Variants in HECW2 observed in about 807,000 individuals in gnomAD.
HECW2 encodes the protein E3 ubiquitin-protein ligase HECW2.
HECW2 carries 61 observed loss-of-function variants against 175.2 expected under a neutral mutation model. The observed-to-expected ratio is 0.35, with a 90% CI of 0.28 to 0.43. The LOEUF is 0.43. Ranked by LOEUF, HECW2 falls within the 20% of genes least tolerant of loss-of-function variation. The pLI, the probability that HECW2 is intolerant of heterozygous loss-of-function variation, is 1.00. For missense variants in HECW2, 1,524 were observed against 2,000.5 expected (o/e 0.76, Z 4.54); for synonymous variants, 671 against 731.0 (o/e 0.92, Z 1.32).
chr2:196,308,837 C>T (rs1691370933), intron 10 of HECW2, among the ~76,000 whole-genome samples: 1 of 152,226 alleles, frequency 6.6e-6, no homozygotes, highest in African/African-American at 2.4e-5. Flanking sequence ...CATTCACCTA[C>T]TGAAATCCAC....
chr2:196,494,978 C>T (rs1687339340), intron 1 of HECW2, among the ~76,000 whole-genome samples: 1 of 152,184 alleles, frequency 6.6e-6, no homozygotes, highest in Non-Finnish European at 1.5e-5. Flanking sequence ...CTACCCAGCA[C>T]TGCTGAGAGT....
At chr2:196,311,275 T>C (rs1450978697) in intron 10 of HECW2, among the ~76,000 whole-genome samples, 1 of 152,222 alleles carries the variant, frequency 6.6e-6, no homozygotes, top group Non-Finnish European at 1.5e-5. Context: ...TCAATAAAAA[T>C]GCAGATTCCT....
At chr2:196,556,932 T>C (rs1249265890) in intron 1 of HECW2, among the ~76,000 whole-genome samples, 6 of 152,112 alleles carry the variant, frequency 3.9e-5, no homozygotes, top group Non-Finnish European at 4.4e-5. Context: ...GCCTTAAAAA[T>C]TAGAGATTTC....
intron 1 of HECW2, among the ~76,000 whole-genome samples, chr2:196,461,806 C>T (rs1696755756): frequency 6.6e-6 from 1 of 152,046 alleles, no homozygotes; most frequent in African/African-American, 2.4e-5. Context: ...GGAACCATCC[C>T]CATGATTCAA....
At chr2:196,391,547 G>A (rs1413336979) in intron 2 of HECW2, among the ~76,000 whole-genome samples, 1 of 152,100 alleles carries the variant, frequency 6.6e-6, no homozygotes, top group Non-Finnish European at 1.5e-5. Context: ...GGAACCCAAA[G>A]GCTTATCACA....
At chr2:196,573,870 C>CA (rs1052835076) in intron 1 of HECW2, among the ~76,000 whole-genome samples, 106 of 141,754 alleles carry the variant, frequency 7.5e-4, no homozygotes, top group South Asian at 2.8e-3. Context: ...ACAACAACAA[C>CA]AAAAAAAAAA....
chr2:196,264,727 C>T (rs1321438801), intron 17 of HECW2, among the ~76,000 whole-genome samples: 1 of 152,118 alleles, frequency 6.6e-6, no homozygotes, highest in Non-Finnish European at 1.5e-5. Flanking sequence ...AGATTCCATG[C>T]ATCAAAAATG....
At chr2:196,520,409 C>T (rs1285850579) in intron 1 of HECW2, among the ~76,000 whole-genome samples, 1 of 152,134 alleles carries the variant, frequency 6.6e-6, no homozygotes, top group African/African-American at 2.4e-5. Context: ...ACAAAATCTT[C>T]CTGATAGAAT....
chr2:196,240,661 C>A (rs1253970107), intron 20 of HECW2, 99 bp from the exon 21 acceptor site: 6 of 1,154,450 alleles, frequency 5.2e-6, no homozygotes, highest in Non-Finnish European at 5.8e-6. Context: ...CCACAATTAA[C>A]TAGGTAAGAA....
chr2:196,520,121 G>A (rs1024935240), intron 1 of HECW2, among the ~76,000 whole-genome samples: 4 of 152,268 alleles, frequency 2.6e-5, no homozygotes, highest in South Asian at 4.1e-4. Context: ...CTGAAGTTTC[G>A]TTGAAAGTAA....
intron 14 of HECW2, 37 bp downstream of exon 14, chr2:196,292,528 G>A: frequency 1.9e-6 from 3 of 1,575,522 alleles, no homozygotes; most frequent in Non-Finnish European, 2.6e-6. Context: ...CAGCCCACAG[G>A]CATTTGGCAC....
intron 15 of HECW2, among the ~76,000 whole-genome samples, chr2:196,278,152 A>ATATATATATATATATAT (rs1553489733): frequency 4.5e-4 from 54 of 119,960 alleles, no homozygotes; most frequent in Non-Finnish European, 7.1e-4. Context: ...ATATATATAT[A>ATATATATATATATATAT]AAGAAATTCC....
chr2:196,513,599 G>C (rs1381623694), intron 1 of HECW2, among the ~76,000 whole-genome samples: 1 of 152,004 alleles, frequency 6.6e-6, no homozygotes, highest in African/African-American at 2.4e-5. Flanking sequence ...TTGTTGGTGA[G>C]AAAAAAATCT....
At chr2:196,447,270 CTAT>C (rs1696214229) in intron 1 of HECW2, among the ~76,000 whole-genome samples, 1 of 152,138 alleles carries the variant, frequency 6.6e-6, no homozygotes, top group Non-Finnish European at 1.5e-5. Flanking sequence ...CAGCTCCACT[CTAT>C]TAACGGGCTG....
intron 2 of HECW2, among the ~76,000 whole-genome samples, chr2:196,348,856 T>C (rs1693061716): frequency 6.6e-6 from 1 of 152,186 alleles, no homozygotes; most frequent in Non-Finnish European, 1.5e-5. Flanking sequence ...TCCAAATCTG[T>C]CTCTGTCCTC....
intron 1 of HECW2, among the ~76,000 whole-genome samples, chr2:196,546,239 C>A (rs1689417739): frequency 6.6e-6 from 1 of 152,110 alleles, no homozygotes; most frequent in South Asian, 2.1e-4. Context: ...GTGCCACTTC[C>A]CAGCTTCTTG....
intron 21 of HECW2, among the ~76,000 whole-genome samples, chr2:196,232,938 C>A (rs368373685): frequency 1.3e-5 from 2 of 152,118 alleles, no homozygotes; most frequent in Admixed American, 6.5e-5. Flanking sequence ...ACCTCTAAAG[C>A]CAAAATAGTC....
intron 27 of HECW2, 105 bp downstream of exon 27, chr2:196,216,903 A>G: frequency 1.4e-6 from 1 of 721,844 alleles, no homozygotes; most frequent in African/African-American, 1.9e-5. Context: ...ATTTCCAGAT[A>G]CACATGGTAT....
chr2:196,243,082 T>C (rs993790026), intron 19 of HECW2, among the ~76,000 whole-genome samples: 4 of 152,130 alleles, frequency 2.6e-5, no homozygotes, highest in Non-Finnish European at 5.9e-5. Flanking sequence ...AAAATCTTAA[T>C]ATAACACATA....
Sources: gnomAD v4.1 joint callset for allele counts (sites outside exome capture counted in the v4.1 genomes callset) on GRCh38, gnomAD v4.1.1 for gene constraint, MANE v1.5 for transcripts, NCBI Gene and HGNC (gene_info 2026-07-23, HGNC 2026-07-21) for gene names.